SLC15A2: variants seen among roughly 807,000 people sequenced by gnomAD.
SLC15A2 encodes solute carrier family 15 member 2.
In SLC15A2, 77 loss-of-function variants were observed where a neutral mutation model predicts 95.5. The observed-to-expected ratio is 0.81, with a 90% CI of 0.67 to 0.97. The LOEUF (loss-of-function observed/expected upper bound fraction) is 0.97. Among genes scored for constraint, SLC15A2 ranks in the 50% least tolerant of loss-of-function variants. The probability of loss-of-function intolerance (pLI) is 0.00; values close to 1 mark genes in which losing one functional copy is unlikely to be tolerated. For missense variants in SLC15A2, 893 were observed against 874.4 expected, an observed-to-expected ratio of 1.02 and a Z score of -0.27; for synonymous variants, 306 against 306.9, an observed-to-expected ratio of 1.00 and a Z score of 0.03.
intron 7 of SLC15A2, among the ~76,000 whole-genome samples, 198 bp from the exon 8 acceptor site, chr3:121,922,022 C>T (rs1710015434): frequency 1.3e-5 from 2 of 152,202 alleles, no homozygotes; most frequent in African/African-American, 4.8e-5. Flanking sequence ...TGTAAGTCAG[C>T]TCCCTCTTTA....
chr3:121,910,450 C>A (rs532799918), intron 3 of SLC15A2, among the ~76,000 whole-genome samples: 1 of 152,192 alleles, frequency 6.6e-6, no homozygotes, highest in African/African-American at 2.4e-5. Context: ...CCACCTTGGC[C>A]CCCCAAAGTG....
intron 19 of SLC15A2, among the ~76,000 whole-genome samples, chr3:121,933,211 G>T (rs1451131181): frequency 2.7e-5 from 4 of 148,406 alleles, no homozygotes; most frequent in African/African-American, 7.6e-5. Flanking sequence ...GAATAATGCC[G>T]CAATAAACAT....
intron 19 of SLC15A2, among the ~76,000 whole-genome samples, chr3:121,936,252 G>T (rs1431609199): frequency 6.6e-6 from 1 of 152,194 alleles, no homozygotes; most frequent in Admixed American, 6.5e-5. Context: ...TTGATTTGGG[G>T]TGGAGAGTTC....
intron 19 of SLC15A2, among the ~76,000 whole-genome samples, chr3:121,933,152 A>G (rs1461857060): frequency 6.9e-6 from 1 of 145,212 alleles, no homozygotes; most frequent in African/African-American, 2.6e-5. Flanking sequence ...TTCTTAATCC[A>G]GTCTATCATT....
At chr3:121,936,989 G>A (rs1343036918) in intron 19 of SLC15A2, among the ~76,000 whole-genome samples, 2 of 151,980 alleles carry the variant, frequency 1.3e-5, no homozygotes, top group African/African-American at 2.4e-5. Flanking sequence ...GCATTTGCTT[G>A]CCTGTAAAGG....
At chr3:121,900,858 T>C (rs1402920154) in intron 3 of SLC15A2, among the ~76,000 whole-genome samples, 1 of 151,786 alleles carries the variant, frequency 6.6e-6, no homozygotes, top group Non-Finnish European at 1.5e-5. Flanking sequence ...CTAAACTCTA[T>C]CTTATTATAG....
rs1389153963 is a variant in SLC15A2, at chr3:121,914,867, AAAAAAAAAC to A, written c.529-359_529-351del. The A allele has an allele frequency of 1.3e-3, 551 of 414,550 alleles. 23 individuals carry two copies. In the East Asian group the frequency reaches 0.079, roughly 59 times the overall value. The allele number at this position is 414,550 out of a possible 1,614,324, so 25.7% of individuals were successfully genotyped here. A position where few individuals can be genotyped will look rare whatever the true frequency, so the allele number is the denominator to read the frequency against. On this transcript the variant is annotated intron_variant, in intron 5 of 21. Coordinates refer to ENST00000489711, the MANE Select transcript of SLC15A2 (RefSeq NM_021082.4). ...AGTGAGACTCCATCTCAAAAAAAAA[AAAAAAAAAC>A]CACAAACACACACATGAAATAAAAA...
chr3:121,938,592 C>T (rs1196086010), intron 19 of SLC15A2, among the ~76,000 whole-genome samples: 6 of 152,230 alleles, frequency 3.9e-5, no homozygotes, highest in Non-Finnish European at 8.8e-5. Flanking sequence ...TCGCACTTCC[C>T]GAGTGAGGCA....
rs892558344 is a variant in SLC15A2, at chr3:121,941,166, C to G, written c.*159C>G. 1 of 633,502 alleles carries G rather than the reference C, an allele frequency of 1.6e-6. No homozygotes were observed. The allele number at this position is 633,502 out of a possible 1,614,324, so 39.2% of individuals were successfully genotyped here. On this transcript the variant is annotated 3_prime_UTR_variant, in exon 22 of 22. Transcript: ENST00000489711. ...TTCCAGGACTGGTTTTCCAGTACAT[C>G]TTTAAACAAGGCCCCAGAGACTCTA...
intron 5 of SLC15A2, among the ~76,000 whole-genome samples, chr3:121,913,433 A>G (rs1222602401): frequency 2.0e-5 from 3 of 152,266 alleles, no homozygotes; most frequent in Non-Finnish European, 4.4e-5. Flanking sequence ...GATGTCAGTG[A>G]TTAAACCTGA....
intron 19 of SLC15A2, among the ~76,000 whole-genome samples, chr3:121,935,390 G>C (rs1304704521): frequency 6.6e-6 from 1 of 152,122 alleles, no homozygotes; most frequent in Non-Finnish European, 1.5e-5. Context: ...AATCCATCTG[G>C]TCCTGGACTC....
At chr3:121,907,261 T>C (rs1278487311) in intron 3 of SLC15A2, among the ~76,000 whole-genome samples, 1 of 152,250 alleles carries the variant, frequency 6.6e-6, no homozygotes, top group Non-Finnish European at 1.5e-5. Context: ...TAATCTTTTT[T>C]CAAGGTTTTT....
intron 7 of SLC15A2, among the ~76,000 whole-genome samples, chr3:121,916,179 G>A (rs1220188087): frequency 2.6e-5 from 4 of 152,118 alleles, no homozygotes; most frequent in African/African-American, 7.2e-5. Flanking sequence ...GCTCTGTAGT[G>A]CCCCCAAAGG....
Position 121,897,445 on chromosome 3 carries a change from C to A in SLC15A2, c.251C>A (p.Ser84Tyr), listed in dbSNP as rs751631077. Reference sequence around the variant, plus strand: ...CACTGGAATGAAGATACCTCCACATCTATATACCATGCCTTCAGCAGCCTC... The same window carrying A: ...CACTGGAATGAAGATACCTCCACATATATATACCATGCCTTCAGCAGCCTC... The part of the protein sequence containing the change: ...FLHWNEDTST[S>Y]IYHAFSSLCY... Residue 84 changes from serine (S) to tyrosine (Y), a missense_variant, in exon 3 of 22, where the codon TCT (serine) becomes TAT (tyrosine). By Grantham distance (144) the Ser-to-Tyr change is moderately radical (BLOSUM62 -2). Transcript: ENST00000489711. 6.2e-7 allele frequency: 1 copy of A among 1,614,062 alleles called. No homozygotes were observed. The highest frequency in any genetic ancestry group is 1.7e-5 in the Admixed American group (1 of 60,034).
At chr3:121,919,762 A>G (rs1279058533) in intron 7 of SLC15A2, among the ~76,000 whole-genome samples, 1 of 152,226 alleles carries the variant, frequency 6.6e-6, no homozygotes, top group Non-Finnish European at 1.5e-5. Flanking sequence ...TAGTATTTAT[A>G]GTTGGAAGGT....
In SLC15A2 at chr3:121,931,614, C is replaced by CTAACCTAAATTCATCCTGTTCCAGA. The variant is rs759198684; in HGVS notation, c.1665-22_1667dup. On this transcript the variant is annotated intron_variant, in intron 18 of 21. Coordinates refer to ENST00000489711, the MANE Select transcript of SLC15A2 (RefSeq NM_021082.4). Reference sequence around the variant, plus strand: ...GCTTTTCCAAGCCTTGATATTTATTCTAACCTAAATTCATCCTGTTCCAGA... The same window carrying CTAACCTAAATTCATCCTGTTCCAGA: ...GCTTTTCCAAGCCTTGATATTTATTCTAACCTAAATTCATCCTGTTCCAGATAACCTAAATTCATCCTGTTCCAGA... 5.4e-6 allele frequency: 8 copies of CTAACCTAAATTCATCCTGTTCCAGA among 1,477,288 alleles called. No individual in the cohort carries two copies. The East Asian group carries it at 1.8e-4, about 33-fold the overall frequency. The allele number at this position is 1,477,288 out of a possible 1,614,324, so 91.5% of individuals were successfully genotyped here. A position where few individuals can be genotyped will look rare whatever the true frequency, so the allele number is the denominator to read the frequency against.
chr3:121,940,445 A>T lies in SLC15A2; in HGVS notation c.1970A>T (p.Asn657Ile). 6.2e-7 allele frequency: 1 copy of T among 1,614,092 alleles called. No individual in the cohort carries two copies. Among genetic ancestry groups the T allele is most frequent in the Non-Finnish European group, 8.5e-7 (1 of 1,179,972 alleles). The change falls in exon 21 of 22, where the codon AAT becomes ATT. Residue 657 changes from asparagine (N) to isoleucine (I), a missense_variant. Transcript: ENST00000489711. ...TGGCTATTGACAATTGCAGTTGGGAATATCATCGTGCTTGTTGTGGCACAG... is the reference window on the plus strand; with the variant it reads ...TGGCTATTGACAATTGCAGTTGGGATTATCATCGTGCTTGTTGTGGCACAG... ...AAWLLTIAVGNIIVLVVAQFS... is the reference protein window; with the variant it reads ...AAWLLTIAVGIIIVLVVAQFS...
intron 3 of SLC15A2, among the ~76,000 whole-genome samples, chr3:121,903,564 C>T (rs1709563132): frequency 6.6e-6 from 1 of 152,178 alleles, no homozygotes; most frequent in African/African-American, 2.4e-5. Context: ...CAGCTTTCTA[C>T]ATATGGCTAG....
Position 121,930,923 on chromosome 3 carries a change from C to A in SLC15A2, c.1637C>A (p.Ser546Tyr), listed in dbSNP as rs1710220663. The change falls in exon 18 of 22, where the codon TCT (serine) becomes TAT (tyrosine). Residue 546 changes from serine to tyrosine, a missense_variant. Ser to Tyr is a moderately radical substitution (Grantham distance 144). Coordinates refer to ENST00000489711, the MANE Select transcript of SLC15A2 (RefSeq NM_021082.4). Reference sequence around the variant, plus strand: ...AATGTTGGTGAAGACTATGGTGTGTCTGCTTATAGAACTGTGCAAAGAGGA... The same window carrying A: ...AATGTTGGTGAAGACTATGGTGTGTATGCTTATAGAACTGTGCAAAGAGGA... ...SLNVGEDYGV[S>Y]AYRTVQRGEY... 3 of 1,611,886 alleles carry A rather than the reference C, an allele frequency of 1.9e-6. No homozygotes were observed. The highest frequency in any genetic ancestry group is 2.2e-5 in the South Asian group (2 of 91,028).
Sources: gnomAD v4.1 joint callset for allele counts (sites outside exome capture counted in the v4.1 genomes callset) on GRCh38, gnomAD v4.1.1 for gene constraint, MANE v1.5 for transcripts, NCBI Gene and HGNC (gene_info 2026-07-23, HGNC 2026-07-21) for gene names.